The following ZSCAN25 variants were observed in gnomAD, a reference collection of about 807,000 sequenced individuals.
ZSCAN25 encodes the protein zinc finger and SCAN domain-containing protein 25.
Under a neutral mutation model 38.7 loss-of-function variants are expected in ZSCAN25, and 27 were observed. That is an observed-to-expected ratio of 0.70 (90% CI 0.51 to 0.96). ZSCAN25 has a LOEUF of 0.96. Among genes scored for constraint, ZSCAN25 ranks in the 40% least tolerant of loss-of-function variants. The probability of loss-of-function intolerance (pLI) is 0.00; values close to 1 mark genes in which losing one functional copy is unlikely to be tolerated. For synonymous variants in ZSCAN25, 273 were observed against 277.7 expected (o/e 0.98, Z 0.17); for missense variants, 637 against 705.9 (o/e 0.90, Z 1.11).
the ZSCAN25 span, chr7:99,638,601 T>C: frequency 1.3e-6 from 2 of 1,582,890 alleles, no homozygotes; most frequent in South Asian, 2.2e-5. Context: ...ACTTGACATT[T>C]TTGTAAGTCA....
chr7:99,683,523 CT>C, the ZSCAN25 span, among the ~76,000 whole-genome samples: 1 of 152,172 alleles, frequency 6.6e-6, no homozygotes, highest in East Asian at 1.9e-4. Context: ...ATCCATGACT[CT>C]TTTCTGCAAA....
At chr7:99,623,456 C>T (rs964402581) in intron 6 of ZSCAN25, among the ~76,000 whole-genome samples, 1 of 152,144 alleles carries the variant, frequency 6.6e-6, no homozygotes, top group African/African-American at 2.4e-5. Flanking sequence ...TGGGGGCTTT[C>T]CAGTGGGGCA....
At chr7:99,713,387 G>C in the ZSCAN25 span, 1 of 1,589,636 alleles carries the variant, frequency 6.3e-7, no homozygotes, top group Non-Finnish European at 8.6e-7. Flanking sequence ...TCATCTACCT[G>C]GAATACTTCC....
At chr7:99,690,759 G>A in the ZSCAN25 span, among the ~76,000 whole-genome samples, 1 of 152,076 alleles carries the variant, frequency 6.6e-6, no homozygotes, top group Non-Finnish European at 1.5e-5. Context: ...TCTCACACCA[G>A]TTAGAATGGT....
chr7:99,702,017 T>C, the ZSCAN25 span, among the ~76,000 whole-genome samples: 1 of 152,178 alleles, frequency 6.6e-6, no homozygotes, highest in Non-Finnish European at 1.5e-5. Context: ...CATTTTTTGT[T>C]CAGACCAATG....
the ZSCAN25 span, among the ~76,000 whole-genome samples, chr7:99,654,052 A>G: frequency 6.6e-6 from 1 of 151,968 alleles, no homozygotes; most frequent in African/African-American, 2.4e-5. Context: ...TGAGCAATAA[A>G]TGCTTCTCAT....
chr7:99,717,534 G>A, the ZSCAN25 span: 2 of 1,613,644 alleles, frequency 1.2e-6, no homozygotes, highest in Non-Finnish European at 8.5e-7. Flanking sequence ...ACCTCCTTGA[G>A]TTTTCCGCTG....
the ZSCAN25 span, chr7:99,695,711 A>G: frequency 6.4e-7 from 1 of 1,573,050 alleles, no homozygotes; most frequent in Non-Finnish European, 8.7e-7. Context: ...CTCTCCAATC[A>G]TAAGAAGCCA....
Position 99,631,477 on chromosome 7 carries a change from C to T in ZSCAN25, c.*1457C>T, listed in dbSNP as rs754599171. On this transcript the variant is annotated 3_prime_UTR_variant, in exon 8 of 8. Coordinates refer to ENST00000394152, the MANE Select transcript of ZSCAN25 (RefSeq NM_145115.3). ...AAAGTTCTGGAAGCTGCATAACTAG[C>T]GTGGACTGACTGCTGTGTCATTGTG... 1.3e-5 allele frequency: 13 copies of T among 985,520 alleles called. No individual in the cohort carries two copies. The highest frequency in any genetic ancestry group is 1.0e-4 in the African/African-American group (6 of 57,358). 61.0% of individuals were successfully genotyped at this position (985,520 alleles called of 1,614,324 possible).
the ZSCAN25 span, chr7:99,667,191 C>A: frequency 1.4e-6 from 1 of 739,174 alleles, no homozygotes; most frequent in South Asian, 2.1e-5. Context: ...TTATGGCAAG[C>A]CATATTCAAG....
the ZSCAN25 span, among the ~76,000 whole-genome samples, chr7:99,670,513 A>G: frequency 6.6e-6 from 1 of 152,206 alleles, no homozygotes; most frequent in Non-Finnish European, 1.5e-5. Context: ...AAAATCATCA[A>G]TATTTTGGTA....
At chr7:99,734,154 C>T in the ZSCAN25 span, among the ~76,000 whole-genome samples, 1 of 152,174 alleles carries the variant, frequency 6.6e-6, no homozygotes, top group Admixed American at 6.5e-5. Flanking sequence ...ACTATGTTAC[C>T]ACAACTCACT....
chr7:99,639,017 G>T, the ZSCAN25 span, among the ~76,000 whole-genome samples: 1 of 152,232 alleles, frequency 6.6e-6, no homozygotes. Context: ...CTGAGGCACG[G>T]CCCGGCTGTC....
At chr7:99,723,822 G>A in the ZSCAN25 span, among the ~76,000 whole-genome samples, 1 of 152,142 alleles carries the variant, frequency 6.6e-6, no homozygotes, top group African/African-American at 2.4e-5. Context: ...AGAGACGGAG[G>A]AGATACGTTT....
At chr7:99,736,158 C>G in the ZSCAN25 span, among the ~76,000 whole-genome samples, 1 of 152,208 alleles carries the variant, frequency 6.6e-6, no homozygotes, top group East Asian at 1.9e-4. Flanking sequence ...TAGACAGGTT[C>G]TTTGCCAAAG....
the ZSCAN25 span, among the ~76,000 whole-genome samples, chr7:99,656,662 G>A: frequency 6.6e-6 from 1 of 152,288 alleles, no homozygotes; most frequent in East Asian, 1.9e-4. Flanking sequence ...AATGGTACCA[G>A]GTCCTCCTTG....
chr7:99,621,791 T>A, intron 5 of ZSCAN25: 1 of 389,478 alleles, frequency 2.6e-6, no homozygotes. Context: ...GGGATCATGC[T>A]TTCTTATTAT....
At chr7:99,714,688 GA>G in the ZSCAN25 span, 331 of 1,429,012 alleles carry the variant, frequency 2.3e-4, 1 homozygote, top group African/African-American at 1.7e-3. Flanking sequence ...GACTTCTGTA[GA>G]AAAAAAAAAC....
the ZSCAN25 span, among the ~76,000 whole-genome samples, chr7:99,691,785 T>A: frequency 6.6e-6 from 1 of 152,204 alleles, no homozygotes; most frequent in Admixed American, 6.5e-5. Flanking sequence ...AGCCTATGTG[T>A]GTCTTTGCAT....
Sources: allele counts gnomAD v4.1 joint callset (sites outside exome capture counted in the v4.1 genomes callset), GRCh38; gene constraint gnomAD v4.1.1; transcripts MANE v1.5; gene names NCBI Gene and HGNC (gene_info 2026-07-23, HGNC 2026-07-21).